Variants in ADGRV1 observed in about 807,000 individuals in gnomAD.
The protein encoded by ADGRV1 is adhesion G protein-coupled receptor V1, also known as G-protein coupled receptor 98.
ADGRV1 carries 359 observed loss-of-function variants against 596.2 expected under a neutral mutation model. That is an observed-to-expected ratio of 0.60 (90% CI 0.55 to 0.66). ADGRV1 has a LOEUF of 0.66. Ranked by LOEUF, ADGRV1 falls within the 30% of genes least tolerant of loss-of-function variation. The pLI is 0.00. For missense variants in ADGRV1, 7,274 were observed against 7,575.6 expected (o/e 0.96, Z 1.48); for synonymous variants, 2,681 against 2,679.2 (o/e 1.00, Z -0.02).
chr5:91,094,009 A>C (rs565773872), intron 86 of ADGRV1, among the ~76,000 whole-genome samples: 1 of 151,516 alleles, frequency 6.6e-6, no homozygotes, highest in African/African-American at 2.4e-5. Context: ...GCGCCACCAC[A>C]CCCAGCTAAT....
rs1385435146 is a variant in ADGRV1, at chr5:90,821,597, G to T, written c.16197-1828G>T. On this transcript the variant is annotated intron_variant, in intron 75 of 89. Transcript: ENST00000405460. Reference sequence around the variant, plus strand: ...GATGATGTACAGATGGGTTTTTGGTGTGGATGTCCTTTCTGTTTGTTAGTT... The same window carrying T: ...GATGATGTACAGATGGGTTTTTGGTTTGGATGTCCTTTCTGTTTGTTAGTT... Among the ~76,000 whole-genome samples, 277 of 151,128 alleles carry T rather than the reference G, an allele frequency of 1.8e-3. 1 individual carries two copies. Among genetic ancestry groups the T allele is most frequent in the Admixed American group, 5.1e-3 (77 of 15,220 alleles).
At chr5:90,631,076 A>G (rs1356137291) in intron 9 of ADGRV1, among the ~76,000 whole-genome samples, 2 of 152,222 alleles carry the variant, frequency 1.3e-5, no homozygotes, top group African/African-American at 4.8e-5. Context: ...GTGAAATTTT[A>G]TACTCATATT....
At position 90,683,613 on chromosome 5, in the gene ADGRV1, C is replaced by T; in HGVS notation, c.5692C>T (p.Pro1898Ser). The T allele has an allele frequency of 1.2e-6, 2 of 1,604,116 alleles. No individual in the cohort carries two copies. Among genetic ancestry groups the T allele is most frequent in the East Asian group, 2.2e-5 (1 of 44,540 alleles). ...NVIRHHGTLS[P>S]VTLHWNIDSD... ...TATAAGACATCATGGAACTCTGTCT[C>T]CAGTGACTTTGCATTGGAACATAGA... Residue 1898 changes from proline to serine, a missense_variant, in exon 28 of 90, where the codon CCA becomes TCA. Physicochemically the swap from Pro to Ser is moderately conservative, Grantham distance 74. Coordinates refer to ENST00000405460, the MANE Select transcript of ADGRV1 (RefSeq NM_032119.4).
At chr5:91,102,951 G>A (rs976013745) in intron 87 of ADGRV1, among the ~76,000 whole-genome samples, 3 of 152,158 alleles carry the variant, frequency 2.0e-5, no homozygotes, top group African/African-American at 4.8e-5. Flanking sequence ...ATTAACAAAT[G>A]GAACAAATGA....
At chr5:90,617,664 T>G (rs1467023168) in intron 2 of ADGRV1, 140 bp from the exon 3 acceptor site, 4 of 642,480 alleles carry the variant, frequency 6.2e-6, no homozygotes, top group Non-Finnish European at 1.0e-5. Flanking sequence ...ATATTTATGA[T>G]TTTTGTTTTT....
intron 25 of ADGRV1, 83 bp downstream of exon 25, chr5:90,676,292 C>A: frequency 2.4e-6 from 3 of 1,263,984 alleles, no homozygotes; most frequent in East Asian, 2.5e-5. Context: ...GAAGTAAGTT[C>A]CTTTGAATTA....
intron 83 of ADGRV1, among the ~76,000 whole-genome samples, chr5:90,888,994 G>T (rs145296539): frequency 6.6e-6 from 1 of 152,212 alleles, no homozygotes; most frequent in East Asian, 1.9e-4. Context: ...TTGGATTGTG[G>T]CCTTCTATGA....
At chr5:90,631,772 C>T (rs982504597) in intron 9 of ADGRV1, among the ~76,000 whole-genome samples, 6 of 152,108 alleles carry the variant, frequency 3.9e-5, no homozygotes, top group African/African-American at 1.4e-4. Context: ...TGGCCACGCA[C>T]ATGACTTGGG....
rs184668027 is a variant in ADGRV1, at chr5:90,654,384, G to A, written c.4378+432G>A. On this transcript the variant is annotated intron_variant, in intron 20 of 89. Coordinates refer to ENST00000405460, the MANE Select transcript of ADGRV1 (RefSeq NM_032119.4). ...CTAGTTCAGTATTGCTGAAGGTAGA[G>A]GGTGGTGGGCGTGAGGTTGAAAAGA... 23 of 204,254 alleles carry A rather than the reference G, an allele frequency of 1.1e-4. No individual in the cohort carries two copies. The South Asian group carries it at 1.7e-3, about 15-fold the overall frequency. 12.7% of individuals were successfully genotyped at this position (204,254 alleles called of 1,614,324 possible). A position where few individuals can be genotyped will look rare whatever the true frequency, so the allele number is the denominator to read the frequency against.
At chr5:90,804,771 G>A (rs1322841307) in intron 71 of ADGRV1, among the ~76,000 whole-genome samples, 2 of 152,150 alleles carry the variant, frequency 1.3e-5, no homozygotes, top group African/African-American at 4.8e-5. Flanking sequence ...CTTGATGCTT[G>A]TGATAAAGAT....
chr5:91,025,823 A>G (rs1783977825), intron 85 of ADGRV1, among the ~76,000 whole-genome samples: 2 of 152,202 alleles, frequency 1.3e-5, no homozygotes, highest in African/African-American at 4.8e-5. Flanking sequence ...TGATCAATCC[A>G]GAAACTATGA....
At chr5:91,111,068 T>A (rs1792322711) in intron 87 of ADGRV1, among the ~76,000 whole-genome samples, 1 of 152,158 alleles carries the variant, frequency 6.6e-6, no homozygotes, top group Admixed American at 6.5e-5. Context: ...CCTATCCCCA[T>A]GTCTTAAGCT....
chr5:91,127,319 T>A (rs1793843835), intron 87 of ADGRV1, among the ~76,000 whole-genome samples: 1 of 152,112 alleles, frequency 6.6e-6, no homozygotes. Context: ...GTGGGCAGAT[T>A]GCTTGAGGCC....
intron 70 of ADGRV1, among the ~76,000 whole-genome samples, 176 bp from the exon 71 acceptor site, chr5:90,802,563 C>T (rs1561765070): frequency 6.6e-6 from 1 of 152,086 alleles, no homozygotes. Flanking sequence ...ACATCTTCCA[C>T]TCCTTATCTC....
intron 83 of ADGRV1, among the ~76,000 whole-genome samples, chr5:90,930,577 A>C (rs1775148576): frequency 6.6e-6 from 1 of 152,116 alleles, no homozygotes; most frequent in South Asian, 2.1e-4. Context: ...TTAACCAAAG[A>C]AAAAAGGACC....
In ADGRV1 at chr5:90,625,220, A is replaced by G; in HGVS notation, c.649A>G (p.Asn217Asp). 1 of 1,612,070 alleles carries G rather than the reference A, an allele frequency of 6.2e-7. No homozygotes were observed. Among genetic ancestry groups the G allele is most frequent in the East Asian group, 2.2e-5 (1 of 44,852 alleles). Residue 217 changes from asparagine to aspartate, a missense_variant, in exon 6 of 90, where the codon AAC becomes GAC. Transcript: ENST00000405460. ...CCCTGGCAGAGCAACAGTAATTTAT[A>G]ACTTGACAGTACTCGATGACGAGGT... is the stretch of plus-strand genomic sequence containing the variant. The part of the protein sequence containing the change: ...FPPGRATVIY[N>D]LTVLDDEVPE...
intron 1 of ADGRV1, among the ~76,000 whole-genome samples, chr5:90,565,176 G>T (rs1755478803): frequency 6.6e-6 from 1 of 152,116 alleles, no homozygotes; most frequent in Non-Finnish European, 1.5e-5. Context: ...GACAGAGGTT[G>T]CAGTGAGCTG....
At chr5:90,939,747 A>G (rs185838088) in intron 83 of ADGRV1, among the ~76,000 whole-genome samples, 7 of 152,160 alleles carry the variant, frequency 4.6e-5, no homozygotes, top group African/African-American at 9.7e-5. Context: ...ATAATACCTG[A>G]TACTTGAATA....
At chr5:90,813,539 T>C (rs1762644326) in intron 74 of ADGRV1, among the ~76,000 whole-genome samples, 1 of 152,202 alleles carries the variant, frequency 6.6e-6, no homozygotes, top group African/African-American at 2.4e-5. Context: ...GTAACTCAGC[T>C]GAGCTCTGTG....
Sources: allele counts gnomAD v4.1 joint callset (sites outside exome capture counted in the v4.1 genomes callset), GRCh38; gene constraint gnomAD v4.1.1; transcripts MANE v1.5; gene names NCBI Gene and HGNC (gene_info 2026-07-23, HGNC 2026-07-21).